Variants in DENND1B observed in about 807,000 individuals in gnomAD.
DENND1B encodes DENN domain-containing protein 1B.
Under a neutral mutation model 90.1 loss-of-function variants are expected in DENND1B, and 59 were observed. The observed-to-expected ratio is 0.65, with a 90% CI of 0.53 to 0.81. The LOEUF is 0.81. Among genes scored for constraint, DENND1B ranks in the 40% least tolerant of loss-of-function variants. The probability of loss-of-function intolerance (pLI) is 0.00; values close to 1 mark genes in which losing one functional copy is unlikely to be tolerated. For synonymous variants in DENND1B, 337 were observed against 324.6 expected (o/e 1.04, Z -0.41); for missense variants, 862 against 912.6 (o/e 0.94, Z 0.71).
chr1:197,721,357 C>G (rs1265640657), intron 2 of DENND1B, among the ~76,000 whole-genome samples: 1 of 152,050 alleles, frequency 6.6e-6, no homozygotes, highest in Non-Finnish European at 1.5e-5. Flanking sequence ...GCTTGAGCCA[C>G]CGTGCCTGGC....
intron 10 of DENND1B, among the ~76,000 whole-genome samples, chr1:197,621,379 C>G (rs1026552886): frequency 4.0e-5 from 6 of 151,220 alleles, no homozygotes; most frequent in African/African-American, 1.5e-4. Flanking sequence ...TTACATACCT[C>G]TGAAGAGAGT....
chr1:197,612,932 T>C (rs142646942), intron 11 of DENND1B, among the ~76,000 whole-genome samples: 70 of 150,864 alleles, frequency 4.6e-4, no homozygotes, highest in African/African-American at 1.6e-3. Context: ...TAAAATATTA[T>C]CTAACAGAAA....
intron 15 of DENND1B, among the ~76,000 whole-genome samples, chr1:197,562,759 A>G (rs1672278628): frequency 6.6e-6 from 1 of 151,982 alleles, no homozygotes; most frequent in African/African-American, 2.4e-5. Context: ...TCAAAAACTG[A>G]GACAGCCTGA....
At chr1:197,636,893 G>T (rs1679845185) in intron 10 of DENND1B, among the ~76,000 whole-genome samples, 1 of 152,042 alleles carries the variant, frequency 6.6e-6, no homozygotes, top group African/African-American at 2.4e-5. Context: ...GCCCTTTATA[G>T]TAGGAGAAGG....
At chr1:197,679,014 G>A (rs1339048891) in intron 3 of DENND1B, among the ~76,000 whole-genome samples, 1 of 152,034 alleles carries the variant, frequency 6.6e-6, no homozygotes, top group Non-Finnish European at 1.5e-5. Context: ...CTCTAAGTCT[G>A]TGAATTCCAA....
chr1:197,754,015 A>G (rs1653928825), intron 2 of DENND1B, among the ~76,000 whole-genome samples: 1 of 151,840 alleles, frequency 6.6e-6, no homozygotes, highest in Non-Finnish European at 1.5e-5. Context: ...ACAATAAAAT[A>G]AAATAAAATA....
At chr1:197,707,392 A>AT (rs1659657041) in intron 3 of DENND1B, among the ~76,000 whole-genome samples, 1 of 151,964 alleles carries the variant, frequency 6.6e-6, no homozygotes, top group East Asian at 1.9e-4. Flanking sequence ...AATTTATCAC[A>AT]TATTTTCAAA....
intron 18 of DENND1B, among the ~76,000 whole-genome samples, chr1:197,545,084 T>C (rs762945424): frequency 3.7e-5 from 4 of 109,178 alleles, no homozygotes; most frequent in African/African-American, 1.3e-4. Context: ...CCAAGAAAAA[T>C]CTTGGAATGT....
At chr1:197,628,843 A>C (rs1679046997) in intron 10 of DENND1B, among the ~76,000 whole-genome samples, 1 of 152,002 alleles carries the variant, frequency 6.6e-6, no homozygotes, top group Non-Finnish European at 1.5e-5. Context: ...AAAAACAAAC[A>C]ACCCCATCAA....
intron 4 of DENND1B, among the ~76,000 whole-genome samples, chr1:197,673,335 C>T (rs1655720432): frequency 1.3e-5 from 2 of 152,064 alleles, no homozygotes; most frequent in South Asian, 2.1e-4. Context: ...CATTCATCAA[C>T]AATGCTTATT....
chr1:197,513,171 TA>T (rs4026515), intron 20 of DENND1B, among the ~76,000 whole-genome samples: 12,409 of 146,612 alleles, frequency 0.085, 1,473 homozygotes, highest in African/African-American at 0.27. Flanking sequence ...CTCAAACCAA[TA>T]AAAAAAAAAA....
At chr1:197,660,588 G>A (rs1654311921) in intron 5 of DENND1B, among the ~76,000 whole-genome samples, 1 of 152,008 alleles carries the variant, frequency 6.6e-6, no homozygotes, top group Non-Finnish European at 1.5e-5. Context: ...GTATCACTGT[G>A]AAATTCCAAA....
intron 13 of DENND1B, among the ~76,000 whole-genome samples, chr1:197,597,277 C>T (rs1243912054): frequency 2.0e-5 from 3 of 151,624 alleles, no homozygotes; most frequent in Admixed American, 6.6e-5. Context: ...GTTTCAAATG[C>T]CTTCAATAGC....
chr1:197,606,993 A>G lies in DENND1B; in HGVS notation c.921+80T>C, dbSNP rs1026787678. On this transcript the variant is annotated intron_variant, in intron 13 of 22. Coordinates refer to ENST00000620048, the MANE Select transcript of DENND1B (RefSeq NM_001195215.2). ...CCCAACCCTTTTATTTCAGATATTAAAAGTGGGAAAAATAACTTAGTAATT... is the reference window on the plus strand; with the variant it reads ...CCCAACCCTTTTATTTCAGATATTAGAAGTGGGAAAAATAACTTAGTAATT... The G allele has an allele frequency of 2.1e-5, 22 of 1,024,518 alleles. No homozygotes were observed. The East Asian group carries it at 3.5e-4, about 16-fold the overall frequency. 63.5% of individuals were successfully genotyped at this position (1,024,518 alleles called of 1,614,324 possible). A position where few individuals can be genotyped will look rare whatever the true frequency, so the allele number is the denominator to read the frequency against.
chr1:197,745,145 G>C (rs1298729828), intron 2 of DENND1B, among the ~76,000 whole-genome samples: 1 of 152,160 alleles, frequency 6.6e-6, no homozygotes, highest in African/African-American at 2.4e-5. Context: ...TCAGCAATAA[G>C]GGTGTTTTGC....
intron 13 of DENND1B, among the ~76,000 whole-genome samples, chr1:197,604,384 T>C (rs1676484190): frequency 6.6e-6 from 1 of 151,214 alleles, no homozygotes; most frequent in Admixed American, 6.6e-5. Context: ...ACTGGCATGG[T>C]AGTATTTCTA....
intron 10 of DENND1B, among the ~76,000 whole-genome samples, chr1:197,626,558 C>A (rs1678749864): frequency 6.6e-6 from 1 of 152,066 alleles, no homozygotes; most frequent in Non-Finnish European, 1.5e-5. Context: ...GCACTAAATG[C>A]CCTCAAGAGA....
intron 15 of DENND1B, among the ~76,000 whole-genome samples, chr1:197,562,864 G>A (rs1165994359): frequency 8.6e-5 from 13 of 151,930 alleles, no homozygotes; most frequent in Non-Finnish European, 7.4e-5. Flanking sequence ...GTGCCCACAC[G>A]AATGACAAGA....
At chr1:197,772,101 G>C (rs1656694292) in intron 2 of DENND1B, among the ~76,000 whole-genome samples, 1 of 152,184 alleles carries the variant, frequency 6.6e-6, no homozygotes, top group Admixed American at 6.5e-5. Flanking sequence ...AAATCCAACA[G>C]AAGGGGCTAC....
Sources: gnomAD v4.1 joint callset for allele counts (sites outside exome capture counted in the v4.1 genomes callset) on GRCh38, gnomAD v4.1.1 for gene constraint, MANE v1.5 for transcripts, NCBI Gene and HGNC (gene_info 2026-07-23, HGNC 2026-07-21) for gene names.